PRKG1: variants seen among roughly 807,000 people sequenced by gnomAD.
PRKG1 encodes the protein protein kinase cGMP-dependent 1, also known as cGMP-dependent protein kinase 1.
A neutral mutation model predicts 88.1 loss-of-function variants in PRKG1; 35 were observed. That is an observed-to-expected ratio of 0.40 (90% confidence interval 0.30 to 0.53). The LOEUF (loss-of-function observed/expected upper bound fraction) is 0.53. Ranked by LOEUF, PRKG1 falls within the 20% of genes least tolerant of loss-of-function variation. PRKG1 has a pLI of 0.59. For missense variants in PRKG1, 540 were observed against 839.8 expected (o/e 0.64, Z 4.41); for synonymous variants, 303 against 292.5 (o/e 1.04, Z -0.37).
intron 5 of PRKG1, among the ~76,000 whole-genome samples, chr10:51,935,873 A>G (rs1247776003): frequency 6.6e-6 from 1 of 152,084 alleles, no homozygotes; most frequent in Non-Finnish European, 1.5e-5. Flanking sequence ...ACTTTGTTAC[A>G]TTAATATGCA....
intron 2 of PRKG1, among the ~76,000 whole-genome samples, chr10:51,256,760 A>G (rs1839570928): frequency 6.6e-6 from 1 of 152,112 alleles, no homozygotes; most frequent in Non-Finnish European, 1.5e-5. Context: ...TCTCAGTGGG[A>G]GTAGAAAAAA....
At chr10:51,574,475 C>T (rs940914821) in intron 3 of PRKG1, among the ~76,000 whole-genome samples, 2 of 151,912 alleles carry the variant, frequency 1.3e-5, no homozygotes, top group Admixed American at 6.6e-5. Context: ...CATGTCATAT[C>T]TCTAAATAAT....
At chr10:51,641,866 A>G (rs767683880) in intron 3 of PRKG1, among the ~76,000 whole-genome samples, 2 of 151,986 alleles carry the variant, frequency 1.3e-5, no homozygotes, top group Non-Finnish European at 2.9e-5. Flanking sequence ...TTTCTTAACA[A>G]CTGATCTAGA....
intron 5 of PRKG1, chr10:51,910,053 T>C (rs1367920654): frequency 1.3e-5 from 2 of 152,186 alleles, no homozygotes; most frequent in African/African-American, 4.8e-5. Context: ...CCTATTCTGA[T>C]ATATTCTATT....
intron 3 of PRKG1, among the ~76,000 whole-genome samples, chr10:51,802,373 T>G (rs1237906191): frequency 6.6e-6 from 1 of 152,158 alleles, no homozygotes; most frequent in Non-Finnish European, 1.5e-5. Context: ...CTAGAGACAT[T>G]TAAATAGCCC....
At chr10:52,168,367 G>T (rs1838553431) in intron 9 of PRKG1, among the ~76,000 whole-genome samples, 1 of 152,136 alleles carries the variant, frequency 6.6e-6, no homozygotes, top group Non-Finnish European at 1.5e-5. Flanking sequence ...TCTACATAGA[G>T]GAACAGCATG....
At chr10:51,015,146 T>C (rs537008137) in intron 1 of PRKG1, among the ~76,000 whole-genome samples, 1 of 152,316 alleles carries the variant, frequency 6.6e-6, no homozygotes, top group Admixed American at 6.5e-5. Context: ...GAAAATACTT[T>C]GATTGCAACC....
Position 52,280,812 on chromosome 10 carries a change from C to G in PRKG1, c.1427C>G (p.Thr476Ser), listed in dbSNP as rs759058266. 1 of 1,613,160 alleles carries G rather than the reference C, an allele frequency of 6.2e-7. No individual in the cohort carries two copies. Among genetic ancestry groups the G allele is most frequent in the Non-Finnish European group, 8.5e-7 (1 of 1,179,446 alleles). Residue 476 changes from threonine (T) to serine (S), a missense_variant, in exon 13 of 18, where the codon ACC becomes AGC. By Grantham distance (58) the Thr-to-Ser change is moderately conservative (BLOSUM62 1). This residue lies in a region of PRKG1 where 400 missense variants were observed against 562.7 expected (regional missense o/e 0.71). Transcript: ENST00000373980. The stretch of plus-strand genomic sequence containing the variant: ...AGAGGTTCGTTTGAAGATTCTACAA[C>G]CAGATTTTACACAGCATGTGTGGTA... ...RDRGSFEDST[T>S]RFYTACVVEA...
rs113066971 is a variant in PRKG1, at chr10:51,416,837, T to C, written c.479-50886T>C. On this transcript the variant is annotated intron_variant, in intron 2 of 17. Coordinates refer to ENST00000373980, the MANE Select transcript of PRKG1 (RefSeq NM_006258.4). ...CTCCTCAGAATTCAAAGAACAGCTT[T>C]GTGCACGGATGTGACTCTTAGAATT... 2.7e-3 allele frequency among the ~76,000 whole-genome samples: 416 copies of C among 152,330 alleles called. 1 individual carries two copies. Among genetic ancestry groups the C allele is most frequent in the African/African-American group, 9.7e-3 (403 of 41,586 alleles).
At chr10:51,534,666 CAAAAAAA>C (rs10626534) in intron 3 of PRKG1, among the ~76,000 whole-genome samples, 1 of 120,810 alleles carries the variant, frequency 8.3e-6, no homozygotes, top group African/African-American at 3.3e-5. Context: ...GACTCTGTCT[CAAAAAAA>C]AAAAAAAAAG....
At chr10:51,060,647 G>A (rs1372502904) in intron 1 of PRKG1, among the ~76,000 whole-genome samples, 1 of 151,978 alleles carries the variant, frequency 6.6e-6, no homozygotes, top group Non-Finnish European at 1.5e-5. Context: ...GTTTTATATA[G>A]TAATAATTTA....
intron 3 of PRKG1, among the ~76,000 whole-genome samples, chr10:51,654,689 G>A (rs1490711482): frequency 6.6e-6 from 1 of 152,006 alleles, no homozygotes; most frequent in Non-Finnish European, 1.5e-5. Context: ...TGGACAGTTG[G>A]ATAACATATT....
chr10:51,385,524 C>G (rs1340207804), intron 2 of PRKG1, among the ~76,000 whole-genome samples: 1 of 152,136 alleles, frequency 6.6e-6, no homozygotes, highest in African/African-American at 2.4e-5. Context: ...TGTTCTTAGC[C>G]TTTCCCTGGG....
intron 3 of PRKG1, among the ~76,000 whole-genome samples, chr10:51,482,261 A>G (rs1840385436): frequency 6.6e-6 from 1 of 152,064 alleles, no homozygotes; most frequent in South Asian, 2.1e-4. Flanking sequence ...TGAGTTATTT[A>G]CCCCCTCTGA....
chr10:51,788,014 G>A (rs1252682305), intron 3 of PRKG1, among the ~76,000 whole-genome samples: 2 of 152,096 alleles, frequency 1.3e-5, no homozygotes, highest in Non-Finnish European at 2.9e-5. Context: ...AGGGAGACTC[G>A]ATAACACTCT....
intron 5 of PRKG1, among the ~76,000 whole-genome samples, chr10:51,913,220 C>T (rs898982576): frequency 2.0e-5 from 3 of 152,144 alleles, no homozygotes; most frequent in Admixed American, 6.5e-5. Context: ...TGAGCCACGG[C>T]GCCCACCCAA....
At chr10:51,077,534 T>G (rs1843987749) in intron 1 of PRKG1, among the ~76,000 whole-genome samples, 1 of 152,196 alleles carries the variant, frequency 6.6e-6, no homozygotes, top group Non-Finnish European at 1.5e-5. Flanking sequence ...TTTTTTTTAG[T>G]TCTGGTTTCT....
chr10:52,091,148 A>G (rs116821514), intron 7 of PRKG1, among the ~76,000 whole-genome samples: 6,236 of 152,132 alleles, frequency 0.041, 437 homozygotes, highest in African/African-American at 0.14. Flanking sequence ...TGAGGGAAAA[A>G]TCTGCTTTTA....
At chr10:51,772,600 C>T (rs1390345972) in intron 3 of PRKG1, among the ~76,000 whole-genome samples, 1 of 151,644 alleles carries the variant, frequency 6.6e-6, no homozygotes, top group Non-Finnish European at 1.5e-5. Flanking sequence ...GAATATAAAT[C>T]ACACATTTTT....
Sources: allele counts gnomAD v4.1 joint callset (sites outside exome capture counted in the v4.1 genomes callset), GRCh38; gene constraint gnomAD v4.1.1; regional missense constraint gnomAD v4.1.1; transcripts MANE v1.5; gene names NCBI Gene and HGNC (gene_info 2026-07-23, HGNC 2026-07-21).